RIT2: variants seen among roughly 807,000 people sequenced by gnomAD.
RIT2 encodes the protein Ras like without CAAX 2, also known as GTP-binding protein Rit2.
A neutral mutation model predicts 23.7 loss-of-function variants in RIT2; 24 were observed. The observed-to-expected ratio is 1.01, with a 90% confidence interval of 0.73 to 1.43. The LOEUF (loss-of-function observed/expected upper bound fraction) is 1.43. Ranked by LOEUF, RIT2 falls within the 40% of genes most tolerant of loss-of-function variation. The probability of loss-of-function intolerance (pLI) is 0.00; values close to 1 mark genes in which losing one functional copy is unlikely to be tolerated. For synonymous variants in RIT2, 107 were observed against 91.1 expected, an observed-to-expected ratio of 1.17 and a Z score of -0.99; for missense variants, 236 against 266.9, an observed-to-expected ratio of 0.88 and a Z score of 0.81.
chr18:43,077,502 C>A (rs565240471), intron 1 of RIT2, among the ~76,000 whole-genome samples: 1 of 152,132 alleles, frequency 6.6e-6, no homozygotes, highest in Admixed American at 6.5e-5. Context: ...TTAAGCCTGG[C>A]CCTTTGTAAC....
chr18:42,946,540 A>C (rs1909731307), intron 3 of RIT2, among the ~76,000 whole-genome samples: 1 of 151,984 alleles, frequency 6.6e-6, no homozygotes, highest in African/African-American at 2.4e-5. Context: ...AAATTCTGAG[A>C]GATTTCAAGG....
chr18:42,974,211 T>A, intron 2 of RIT2, 64 bp from the exon 3 acceptor site: 1 of 1,095,880 alleles, frequency 9.1e-7, no homozygotes, highest in South Asian at 1.3e-5. Context: ...AATTTTTAGA[T>A]TTCATATAGA....
At chr18:42,991,728 C>T (rs1910853772) in intron 2 of RIT2, among the ~76,000 whole-genome samples, 2 of 152,076 alleles carry the variant, frequency 1.3e-5, no homozygotes, top group African/African-American at 4.8e-5. Flanking sequence ...CTCATCCTGA[C>T]TCAAAAGCTC....
At chr18:42,986,317 C>T (rs1356064159) in intron 2 of RIT2, among the ~76,000 whole-genome samples, 1 of 151,848 alleles carries the variant, frequency 6.6e-6, no homozygotes, top group African/African-American at 2.4e-5. Context: ...GCGTGAGGCA[C>T]CTTGCCCGGC....
At chr18:42,852,828 C>CCTTT (rs1363415760) in intron 4 of RIT2, among the ~76,000 whole-genome samples, 1 of 121,648 alleles carries the variant, frequency 8.2e-6, no homozygotes, top group African/African-American at 3.2e-5. Context: ...TTCCTTCCTT[C>CCTTT]CTTTCTTTCT....
At chr18:42,849,250 C>T (rs1232850073) in intron 4 of RIT2, among the ~76,000 whole-genome samples, 2 of 152,170 alleles carry the variant, frequency 1.3e-5, no homozygotes, top group Non-Finnish European at 2.9e-5. Context: ...GCCAAATAGA[C>T]ATTCTCCATC....
intron 2 of RIT2, among the ~76,000 whole-genome samples, chr18:43,023,777 T>C (rs1421786451): frequency 1.3e-5 from 2 of 152,008 alleles, no homozygotes; most frequent in African/African-American, 4.8e-5. Context: ...AATAAGAAGG[T>C]AAAATGTGCT....
At chr18:43,101,526 C>T (rs1284075708) in intron 1 of RIT2, among the ~76,000 whole-genome samples, 1 of 152,220 alleles carries the variant, frequency 6.6e-6, no homozygotes, top group Non-Finnish European at 1.5e-5. Context: ...AGCCCTGTGT[C>T]GTGCAACATT....
At chr18:42,920,954 T>C (rs1034129210) in intron 4 of RIT2, among the ~76,000 whole-genome samples, 1 of 151,852 alleles carries the variant, frequency 6.6e-6, no homozygotes. Context: ...TTTTTTTTTT[T>C]ATATGAAGAA....
intron 2 of RIT2, among the ~76,000 whole-genome samples, chr18:42,986,088 G>A (rs1186107255): frequency 6.6e-6 from 1 of 150,590 alleles, no homozygotes; most frequent in Non-Finnish European, 1.5e-5. Context: ...TGCCTAGGCT[G>A]GAGTGTAGTG....
At chr18:43,090,664 C>T (rs940245318) in intron 1 of RIT2, among the ~76,000 whole-genome samples, 2 of 152,084 alleles carry the variant, frequency 1.3e-5, no homozygotes, top group African/African-American at 2.4e-5. Flanking sequence ...GGTACATATA[C>T]ACCATGGAAT....
intron 1 of RIT2, among the ~76,000 whole-genome samples, chr18:43,059,146 A>G (rs553536033): frequency 6.6e-6 from 1 of 152,048 alleles, no homozygotes; most frequent in East Asian, 1.9e-4. Context: ...TCTTTTTAAG[A>G]TAGTAGAAGT....
At chr18:42,905,536 A>C (rs1200543003) in intron 4 of RIT2, among the ~76,000 whole-genome samples, 1 of 152,090 alleles carries the variant, frequency 6.6e-6, no homozygotes, top group Non-Finnish European at 1.5e-5. Context: ...GCAGTGGTGC[A>C]ATCTTGGCTC....
rs1243178347 is a variant in RIT2, at chr18:43,033,885, C to A, written c.104-18G>T. The A allele has an allele frequency of 6.4e-7, 1 of 1,555,564 alleles. No individual in the cohort carries two copies. Among genetic ancestry groups the A allele is most frequent in the African/African-American group, 1.4e-5 (1 of 73,966 alleles). Reference sequence around the variant, plus strand: ...TGTCATTGCTGAAAGAAAAAAAACACATTTTGTTTAATAAAAATTCACTAA... The same window carrying A: ...TGTCATTGCTGAAAGAAAAAAAACAAATTTTGTTTAATAAAAATTCACTAA... On this transcript the variant is annotated intron_variant, in intron 1 of 4. Coordinates refer to ENST00000326695, the MANE Select transcript of RIT2 (RefSeq NM_002930.4).
intron 4 of RIT2, among the ~76,000 whole-genome samples, chr18:42,822,886 A>AG (rs1391257535): frequency 1.3e-5 from 2 of 152,278 alleles, no homozygotes; most frequent in Non-Finnish European, 2.9e-5. Flanking sequence ...ACATCCAAAG[A>AG]GAATAACAAC....
At chr18:43,004,445 T>C (rs1359169663) in intron 2 of RIT2, among the ~76,000 whole-genome samples, 1 of 151,876 alleles carries the variant, frequency 6.6e-6, no homozygotes, top group African/African-American at 2.4e-5. Flanking sequence ...AGGGGTGTTA[T>C]CAACATTAAA....
chr18:42,900,054 A>T (rs1908434232), intron 4 of RIT2, among the ~76,000 whole-genome samples: 1 of 152,098 alleles, frequency 6.6e-6, no homozygotes, highest in East Asian at 1.9e-4. Flanking sequence ...AAACTAATTA[A>T]TTATTAACCT....
At chr18:42,793,432 A>G (rs1914086608) in intron 4 of RIT2, among the ~76,000 whole-genome samples, 1 of 152,180 alleles carries the variant, frequency 6.6e-6, no homozygotes, top group South Asian at 2.1e-4. Context: ...ATCAGCTCAG[A>G]TTCCATATAG....
intron 4 of RIT2, among the ~76,000 whole-genome samples, chr18:42,893,934 T>C (rs1426384985): frequency 6.6e-6 from 1 of 152,156 alleles, no homozygotes; most frequent in Non-Finnish European, 1.5e-5. Flanking sequence ...GAATGAGCAA[T>C]AGAAGTAATC....
Sources: gnomAD v4.1 joint callset for allele counts (sites outside exome capture counted in the v4.1 genomes callset) on GRCh38, gnomAD v4.1.1 for gene constraint, MANE v1.5 for transcripts, NCBI Gene and HGNC (gene_info 2026-07-23, HGNC 2026-07-21) for gene names.